The following TNXB variants were observed in gnomAD, a reference collection of about 807,000 sequenced individuals.
TNXB encodes tenascin XB.
A neutral mutation model predicts 340.5 loss-of-function variants in TNXB; 183 were observed. The observed-to-expected ratio is 0.54, with a 90% CI of 0.48 to 0.61. The LOEUF (loss-of-function observed/expected upper bound fraction) is 0.61. TNXB is among the 20% of genes least tolerant of loss of function. The pLI is 0.00. For missense variants in TNXB, 4,613 were observed against 5,446.4 expected, an observed-to-expected ratio of 0.85 and a Z score of 4.82; for synonymous variants, 2,121 against 2,314.5, an observed-to-expected ratio of 0.92 and a Z score of 2.40.
rs533020881 is a variant in TNXB, at chr6:32,044,217, G to C, written c.11264-88C>G. 5 of 1,118,458 alleles carry C rather than the reference G, an allele frequency of 4.5e-6. No homozygotes were observed. In the East Asian group the frequency reaches 1.1e-4, roughly 24 times the overall value. 69.3% of individuals were successfully genotyped at this position (1,118,458 alleles called of 1,614,324 possible). On this transcript the variant is annotated intron_variant, in intron 33 of 43. Transcript: ENST00000644971. ...CCCCCTCGCCTCTGCTCCAGCACAG[G>C]CTCACCACCCCTTTTCCTCTAGTCC... is the stretch of plus-strand genomic sequence containing the variant.
chr6:32,048,224 C>A, intron 29 of TNXB, 139 bp downstream of exon 29: 1 of 1,084,092 alleles, frequency 9.2e-7, no homozygotes. Context: ...GAGAGGAGAG[C>A]TCAGGGCCTG....
At chr6:32,056,235 G>A (rs1195157432) in intron 23 of TNXB, 61 bp from the exon 24 acceptor site, 1 of 1,549,444 alleles carries the variant, frequency 6.5e-7, no homozygotes, top group African/African-American at 1.4e-5. Context: ...AGGTCTTCAA[G>A]GGAAGGAGGG....
In TNXB at chr6:32,045,124, G is replaced by A. The variant is rs139430697; in HGVS notation, c.10809C>T (p.Asp3603=). ...AGATGAGGATCTTGCTCTGGTCGCCGTCCACGAGCAAGGCCTGGGGCTGCC... is the reference window on the plus strand; with the variant it reads ...AGATGAGGATCTTGCTCTGGTCGCCATCCACGAGCAAGGCCTGGGGCTGCC... ...TNGQPQALLV[D]GDQSKILISG... Residue 3603 remains aspartate (D), a synonymous_variant, in exon 32 of 44, where the codon GAC becomes GAT. Coordinates refer to ENST00000644971, the MANE Select transcript of TNXB (RefSeq NM_001365276.2). 81 of 1,612,982 alleles carry A rather than the reference G, an allele frequency of 5.0e-5. No homozygotes were observed. The highest frequency in any genetic ancestry group is 8.0e-5 in the African/African-American group (6 of 75,074).
rs903674581 is a variant in TNXB, at chr6:32,093,471, G to A, written c.2358+1605C>T. 5.0e-5 allele frequency: 34 copies of A among 681,368 alleles called. No homozygotes were observed. The African/African-American group carries it at 5.5e-4, about 11-fold the overall frequency. 42.2% of individuals were successfully genotyped at this position (681,368 alleles called of 1,614,324 possible). ...AGGGGGCTGGCCTGAGGAGCATAAT[G>A]ACAAGACAAAGCAAAGTGGAGTGAG... On this transcript the variant is annotated intron_variant, in intron 4 of 43. Coordinates refer to ENST00000644971, the MANE Select transcript of TNXB (RefSeq NM_001365276.2).
In TNXB at chr6:32,096,321, C is replaced by A. The variant is rs204896; in HGVS notation, c.1532G>T (p.Arg511Leu). The stretch of plus-strand genomic sequence containing the variant: ...GGTGAAGCCCGGGTTGCACACGCAG[C>A]GGCCATCCACGCAGCGCCCGCGCCC... ...CRGRGRCVDG[R>L]CVCNPGFTGE... Residue 511 changes from arginine to leucine, a missense_variant, in exon 3 of 44, where the codon CGC (arginine) becomes CTC (leucine). Transcript: ENST00000644971. The A allele has an allele frequency of 9.0e-6, 14 of 1,548,180 alleles. No individual in the cohort carries two copies. Among genetic ancestry groups the A allele is most frequent in the Non-Finnish European group, 1.1e-5 (13 of 1,152,240 alleles).
intron 6 of TNXB, among the ~76,000 whole-genome samples, chr6:32,086,785 G>A (rs987513525): frequency 6.6e-6 from 1 of 152,172 alleles, no homozygotes; most frequent in Non-Finnish European, 1.5e-5. Context: ...CCACCCCCAC[G>A]CAGTTCTGAT....
chr6:32,082,415 G>A lies in TNXB; in HGVS notation c.3446-89C>T. On this transcript the variant is annotated intron_variant, in intron 8 of 43. Transcript: ENST00000644971. This position sits in a 1 kb window ranked among gnomAD's most constrained non-coding sequence, Gnocchi z 5.0. ...CCACATAGGAATGCTGTGTGAGGCT[G>A]TGCAGGTTGTTCACTGCACAAAAGT... is the stretch of plus-strand genomic sequence containing the variant. 2 of 1,345,976 alleles carry A rather than the reference G, an allele frequency of 1.5e-6. No individual in the cohort carries two copies. Among genetic ancestry groups the A allele is most frequent in the South Asian group, 1.4e-5 (1 of 70,512 alleles). 83.4% of individuals were successfully genotyped at this position (1,345,976 alleles called of 1,614,324 possible). A position where few individuals can be genotyped will look rare whatever the true frequency, so the allele number is the denominator to read the frequency against.
In TNXB at chr6:32,095,112, G is replaced by T; in HGVS notation, c.2322C>A (p.Gly774=). ...ACTGAATTTCATAGGCATCCACGGG[G>T]CCAGGAGCCGGGGTCCACTCTGTCC... ...TVRTEWTPAP[G]PVDAYEIQFI... Residue 774 remains glycine, a synonymous_variant, in exon 4 of 44, where the codon GGC becomes GGA. Coordinates refer to ENST00000644971, the MANE Select transcript of TNXB (RefSeq NM_001365276.2). 6.5e-7 allele frequency: 1 copy of T among 1,549,332 alleles called. No homozygotes were observed. The highest frequency in any genetic ancestry group is 8.7e-7 in the Non-Finnish European group (1 of 1,146,202).
At position 32,090,345 on chromosome 6, in the gene TNXB, T is replaced by A. The variant is rs1027428652; in HGVS notation, c.2359-966A>T. 6.6e-6 allele frequency among the ~76,000 whole-genome samples: 1 copy of A among 152,200 alleles called. No homozygotes were observed. Among genetic ancestry groups the A allele is most frequent in the Non-Finnish European group, 1.5e-5 (1 of 68,038 alleles). On this transcript the variant is annotated intron_variant, in intron 4 of 43. Coordinates refer to ENST00000644971, the MANE Select transcript of TNXB (RefSeq NM_001365276.2). This position sits in a 1 kb window ranked among gnomAD's most constrained non-coding sequence, Gnocchi z 4.3. ...TTTAAGGAATTATGATTATGTGTGG[T>A]GCCTCCAAAGGGAATCTACTGGACC...
chr6:32,058,374 C>T lies in TNXB; in HGVS notation c.7509G>A (p.Val2503=). Residue 2503 remains valine, a synonymous_variant, in exon 22 of 44, where the codon GTG becomes GTA. Coordinates refer to ENST00000644971, the MANE Select transcript of TNXB (RefSeq NM_001365276.2). This position sits in a 1 kb window ranked among gnomAD's most constrained non-coding sequence, Gnocchi z 5.1. The part of the protein sequence containing the change: ...TVGVTAPQED[V]DETPSPTEPG... ...GTTCTGTAGGGCTGGGGGTCTCGTC[C>T]ACATCCTCTTGTGGGGCTGAAAGGT... The T allele has an allele frequency of 1.2e-6, 2 of 1,605,968 alleles. No homozygotes were observed. Among genetic ancestry groups the T allele is most frequent in the Non-Finnish European group, 1.7e-6 (2 of 1,176,516 alleles).
At chr6:32,099,207 G>A (rs1165534396) in intron 1 of TNXB, among the ~76,000 whole-genome samples, 3 of 150,078 alleles carry the variant, frequency 2.0e-5, no homozygotes, top group Non-Finnish European at 4.4e-5. Flanking sequence ...TAAGAAAAGT[G>A]CAGATTATCT....
At position 32,070,065 on chromosome 6, in the gene TNXB, G is replaced by C. The variant is rs1284083126; in HGVS notation, c.5278+62C>G. On this transcript the variant is annotated intron_variant, in intron 14 of 43. Transcript: ENST00000644971. This position sits in a 1 kb window ranked among gnomAD's most constrained non-coding sequence, Gnocchi z 6.0. ...ATAATGGTAATGGCAGCCACCACAA[G>C]TGACCGTCTGCTGCTTGGCCTGAGG... 1 of 1,474,246 alleles carries C rather than the reference G, an allele frequency of 6.8e-7. No individual in the cohort carries two copies. Among genetic ancestry groups the C allele is most frequent in the African/African-American group, 1.4e-5 (1 of 71,232 alleles). The allele number at this position is 1,474,246 out of a possible 1,614,324, so 91.3% of individuals were successfully genotyped here. A position where few individuals can be genotyped will look rare whatever the true frequency, so the allele number is the denominator to read the frequency against.
At position 32,052,828 on chromosome 6, in the gene TNXB, T is replaced by C; in HGVS notation, c.8957A>G (p.Tyr2986Cys). Residue 2986 changes from tyrosine (Y) to cysteine (C), a missense_variant, in exon 26 of 44, where the codon TAC (tyrosine) becomes TGC (cysteine). Tyr to Cys is a radical substitution (Grantham distance 194). This residue lies in a region of TNXB where 4,327 missense variants were observed against 4,859.4 expected (regional missense o/e 0.89). Coordinates refer to ENST00000644971, the MANE Select transcript of TNXB (RefSeq NM_001365276.2). This position sits in a 1 kb window ranked among gnomAD's most constrained non-coding sequence, Gnocchi z 4.7. ...QGRFDSFTVQ[Y>C]KDRDGRPQVV... is the part of the protein sequence containing the mutation. The stretch of plus-strand genomic sequence containing the variant: ...CTGGGGCCGCCCGTCCCTGTCCTTG[T>C]ACTGCACAGTGAAGGAGTCGAAGCG... 6.2e-7 allele frequency: 1 copy of C among 1,613,660 alleles called. No individual in the cohort carries two copies. Among genetic ancestry groups the C allele is most frequent in the Non-Finnish European group, 8.5e-7 (1 of 1,179,878 alleles).
Position 32,061,754 on chromosome 6 carries a change from T to A in TNXB, c.7169-34A>T, listed in dbSNP as rs1485319926. The A allele has an allele frequency of 1.3e-6, 2 of 1,599,002 alleles. No homozygotes were observed. Among genetic ancestry groups the A allele is most frequent in the Non-Finnish European group, 1.7e-6 (2 of 1,170,984 alleles). ...AAGGGACACAGAGAGGATGGCAGGG[T>A]CCCTGGGGGATGTGCTTACGTCGTG... On this transcript the variant is annotated intron_variant, in intron 20 of 43. Transcript: ENST00000644971. This position sits in a 1 kb window ranked among gnomAD's most constrained non-coding sequence, Gnocchi z 4.4.
Position 32,052,388 on chromosome 6 carries a change from T to C in TNXB, c.9115+282A>G, listed in dbSNP as rs1323346299. 2.0e-5 allele frequency among the ~76,000 whole-genome samples: 3 copies of C among 151,200 alleles called. No homozygotes were observed. The highest frequency in any genetic ancestry group is 1.9e-4 in the East Asian group (1 of 5,166). On this transcript the variant is annotated intron_variant, in intron 26 of 43. Coordinates refer to ENST00000644971, the MANE Select transcript of TNXB (RefSeq NM_001365276.2). The surrounding 1 kb of genome is among the most constrained non-coding windows in gnomAD (Gnocchi z 4.7). ...ATCACTTGAACCCAGGAGGCGGAGG[T>C]TCCAGTGAGCCGAGATTGAGCCACT...
Position 32,098,159 on chromosome 6 carries a change from G to C in TNXB, c.40C>G (p.Leu14Val), listed in dbSNP as rs755462290. 1.9e-6 allele frequency: 3 copies of C among 1,566,258 alleles called. No homozygotes were observed. In the African/African-American group the frequency reaches 4.1e-5, roughly 21 times the overall value. Residue 14 changes from leucine to valine, a missense_variant, in exon 2 of 44, where the codon CTC (leucine) becomes GTC (valine). By Grantham distance (32) the Leu-to-Val change is conservative (BLOSUM62 1). Coordinates refer to ENST00000644971, the MANE Select transcript of TNXB (RefSeq NM_001365276.2). ...CTGGCTGTGCTCAGCAGCACCAGGA[G>C]AACCAGGCTGGAGGTTAGAGCATAC... is the stretch of plus-strand genomic sequence containing the variant. ...AQYALTSSLV[L>V]LVLLSTARAG...
At chr6:32,095,488 TG>T (rs1289415000) in intron 3 of TNXB, 122 bp downstream of exon 3, 10 of 1,273,300 alleles carry the variant, frequency 7.9e-6, no homozygotes, top group Non-Finnish European at 1.1e-5. Flanking sequence ...CTGCCCCTGG[TG>T]GGCACTGGCT....
intron 11 of TNXB, 109 bp downstream of exon 11, chr6:32,078,924 C>G (rs1779267355): frequency 8.2e-7 from 1 of 1,218,620 alleles, no homozygotes; most frequent in South Asian, 1.5e-5. Context: ...AGGTCTTCCC[C>G]TGGCAGGCAG....
In TNXB at chr6:32,084,698, C is replaced by G; in HGVS notation, c.3160G>C (p.Glu1054Gln). 6.4e-7 allele frequency: 1 copy of G among 1,569,864 alleles called. No individual in the cohort carries two copies. The highest frequency in any genetic ancestry group is 8.7e-7 in the Non-Finnish European group (1 of 1,153,976). Reference protein sequence around the residue: ...IYQGIMDKDEEKPGKSSGPPR... With the variant: ...IYQGIMDKDEQKPGKSSGPPR... Reference sequence around the variant, plus strand: ...GGGCCTGAGGACTTCCCAGGCTTCTCCTCATCCTTGTCTGGAGTTTGAGAG... The same window carrying G: ...GGGCCTGAGGACTTCCCAGGCTTCTGCTCATCCTTGTCTGGAGTTTGAGAG... Residue 1054 changes from glutamate (E) to glutamine (Q), a missense_variant, in exon 8 of 44, where the codon GAG (glutamate) becomes CAG (glutamine). Transcript: ENST00000644971. The surrounding 1 kb of genome is among the most constrained non-coding windows in gnomAD (Gnocchi z 5.5).
Sources: allele counts gnomAD v4.1 joint callset (sites outside exome capture counted in the v4.1 genomes callset), GRCh38; gene constraint gnomAD v4.1.1; regional missense constraint gnomAD v4.1.1; non-coding constraint Gnocchi (gnomAD v3.1); transcripts MANE v1.5; gene names NCBI Gene and HGNC (gene_info 2026-07-23, HGNC 2026-07-21).